Variants in OR52N2 observed in about 807,000 individuals in gnomAD.
The protein encoded by OR52N2 is olfactory receptor family 52 subfamily N member 2, also known as olfactory receptor 52N2.
For missense variants in OR52N2, 326 were observed against 196.6 expected (o/e 1.66, Z -3.94); for synonymous variants, 129 against 72.0 (o/e 1.79, Z -4.01).
intron 1 of OR52N2, among the ~76,000 whole-genome samples, chr11:5,810,195 A>G (rs1846346374): frequency 6.6e-6 from 1 of 152,208 alleles, no homozygotes; most frequent in Admixed American, 6.5e-5. Context: ...TCAGTGGCCA[A>G]GCTTTCCGAA....
intron 1 of OR52N2, among the ~76,000 whole-genome samples, chr11:5,818,178 T>C (rs73394360): frequency 0.059 from 8,907 of 152,238 alleles, 310 homozygotes; most frequent in African/African-American, 0.078. Context: ...TTTCCATAGT[T>C]TCCAAATTTT....
At chr11:5,817,587 C>T (rs1226945074) in intron 1 of OR52N2, among the ~76,000 whole-genome samples, 12 of 152,036 alleles carry the variant, frequency 7.9e-5, no homozygotes, top group Admixed American at 7.9e-4. Flanking sequence ...ACAAGTGAGA[C>T]AGTATTTGCA....
At chr11:5,812,065 G>C (rs73394323) in intron 1 of OR52N2, among the ~76,000 whole-genome samples, 5,709 of 152,102 alleles carry the variant, frequency 0.038, 325 homozygotes, top group African/African-American at 0.13. Flanking sequence ...ACACACCAAG[G>C]CCTGTTGGGG....
At position 5,821,025 on chromosome 11, in the gene OR52N2, G is replaced by A. The variant is rs200694985; in HGVS notation, c.690G>A (p.Leu230=). The A allele has an allele frequency of 2.6e-6, 2 of 781,020 alleles. No individual in the cohort carries two copies. The highest frequency in any genetic ancestry group is 1.7e-5 in the Admixed American group (1 of 59,034). The allele number at this position is 781,020 out of a possible 1,614,324, so 48.4% of individuals were successfully genotyped here. A position where few individuals can be genotyped will look rare whatever the true frequency, so the allele number is the denominator to read the frequency against. ...TGATTTTGCAGGCTGTTATGAGCCT[G>A]TCATCAGCAGATGCTCGTCACAAAG... ...YTMILQAVMS[L]SSADARHKAF... is the part of the protein sequence containing the mutation. Residue 230 remains leucine (L), a synonymous_variant, in exon 2 of 2, where the codon CTG becomes CTA. Transcript: ENST00000317037.
rs74633617 is a variant in OR52N2 at position 5,819,950 on chromosome 11, G to C, written c.-54-332G>C. On this transcript the variant is annotated intron_variant, in intron 1 of 1. Transcript: ENST00000317037. ...CAATTAGAATGGGAAGATTCTGAGA[G>C]CACAGAATAGAAATGGACTTATTGA... Among the ~76,000 whole-genome samples the C allele has an allele frequency of 3.5e-3, 531 of 152,286 alleles. 2 individuals are homozygous for C. Among genetic ancestry groups the C allele is most frequent in the African/African-American group, 0.012 (502 of 41,558 alleles).
In OR52N2 at chr11:5,821,010, G is replaced by A. The variant is rs753039145; in HGVS notation, c.675G>A (p.Gln225=). Reference sequence around the variant, plus strand: ...CTGTATCTTACACTATGATTTTGCAGGCTGTTATGAGCCTGTCATCAGCAG... The same window carrying A: ...CTGTATCTTACACTATGATTTTGCAAGCTGTTATGAGCCTGTCATCAGCAG... ...CISVSYTMIL[Q]AVMSLSSADA... The change falls in exon 2 of 2, where the codon CAG becomes CAA. Residue 225 remains glutamine, a synonymous_variant. Coordinates refer to ENST00000317037, the MANE Select transcript of OR52N2 (RefSeq NM_001005174.3). 3.8e-6 allele frequency: 3 copies of A among 781,000 alleles called. No individual in the cohort carries two copies. The allele number at this position is 781,000 out of a possible 1,614,324, so 48.4% of individuals were successfully genotyped here.
chr11:5,819,594 C>T (rs1846429995), intron 1 of OR52N2, among the ~76,000 whole-genome samples: 1 of 152,116 alleles, frequency 6.6e-6, no homozygotes, highest in African/African-American at 2.4e-5. Flanking sequence ...TGTTTCTTGT[C>T]AAGAACTTCC....
intron 1 of OR52N2, among the ~76,000 whole-genome samples, chr11:5,814,826 C>A (rs1846389084): frequency 6.6e-6 from 1 of 152,150 alleles, no homozygotes; most frequent in East Asian, 1.9e-4. Context: ...AAACTTATGA[C>A]AAAGTGACAG....
intron 1 of OR52N2, among the ~76,000 whole-genome samples, chr11:5,812,186 T>A (rs951153177): frequency 6.6e-6 from 1 of 151,898 alleles, no homozygotes; most frequent in African/African-American, 2.4e-5. Flanking sequence ...ACGTATCCTG[T>A]TTTTTACTTT....
At chr11:5,817,839 T>C (rs1386159975) in intron 1 of OR52N2, among the ~76,000 whole-genome samples, 3 of 152,212 alleles carry the variant, frequency 2.0e-5, no homozygotes, top group Non-Finnish European at 4.4e-5. Context: ...TGAGGAATTA[T>C]ATTTGATAGA....
In OR52N2 at chr11:5,809,116, T is replaced by G. The variant is rs77043874; in HGVS notation, c.-55+62T>G. On this transcript the variant is annotated intron_variant, in intron 1 of 1. Coordinates refer to ENST00000317037, the MANE Select transcript of OR52N2 (RefSeq NM_001005174.3). ...GGGATCCCAGATGAGCCCCCAGAGTTGTTGGGTGTAAAAATGCTCTAGGAA... is the reference window on the plus strand; with the variant it reads ...GGGATCCCAGATGAGCCCCCAGAGTGGTTGGGTGTAAAAATGCTCTAGGAA... Among the ~76,000 whole-genome samples the G allele has an allele frequency of 1.1e-4, 16 of 152,172 alleles. No individual in the cohort carries two copies. In the East Asian group the frequency reaches 2.1e-3, roughly 20 times the overall value.
chr11:5,821,116 TTTTTCACTC>T lies in OR52N2; in HGVS notation c.782_790del (p.Phe261_His264delinsTyr), dbSNP rs749353698. The stretch of plus-strand genomic sequence containing the variant: ...CACCTATGTTGCTGCTTTTTTCACT[TTTTTCACTC>T]ATCGTTTTGTAGGACACAATATCCC... On this transcript the variant is annotated inframe_deletion, in exon 2 of 2. Transcript: ENST00000317037. 3.6e-4 allele frequency: 280 copies of T among 781,018 alleles called. 3 individuals carry two copies. In the South Asian group the frequency reaches 3.6e-3, roughly 10 times the overall value. The allele number at this position is 781,018 out of a possible 1,614,324, so 48.4% of individuals were successfully genotyped here. A position where few individuals can be genotyped will look rare whatever the true frequency, so the allele number is the denominator to read the frequency against.
chr11:5,818,330 T>C (rs990060571), intron 1 of OR52N2, among the ~76,000 whole-genome samples: 1 of 152,210 alleles, frequency 6.6e-6, no homozygotes, highest in African/African-American at 2.4e-5. Flanking sequence ...CTGCTAAATA[T>C]ACATCTATTA....
intron 1 of OR52N2, among the ~76,000 whole-genome samples, chr11:5,810,106 G>A (rs1211821652): frequency 1.3e-5 from 2 of 152,202 alleles, no homozygotes; most frequent in African/African-American, 2.4e-5. Context: ...TGAGCTATAT[G>A]CTGAGCCTTG....
chr11:5,816,504 A>G (rs1846405661), intron 1 of OR52N2, among the ~76,000 whole-genome samples: 1 of 151,514 alleles, frequency 6.6e-6, no homozygotes, highest in Admixed American at 6.6e-5. Flanking sequence ...AACAGTGCGG[A>G]GGCCATGTAT....
chr11:5,811,803 A>C (rs1277534308), intron 1 of OR52N2, among the ~76,000 whole-genome samples: 1 of 152,192 alleles, frequency 6.6e-6, no homozygotes, highest in Non-Finnish European at 1.5e-5. Context: ...AGAAGACCCA[A>C]CTATTTGCTG....
chr11:5,816,501 C>T (rs759941234), intron 1 of OR52N2, among the ~76,000 whole-genome samples: 12 of 151,880 alleles, frequency 7.9e-5, no homozygotes, highest in Non-Finnish European at 1.3e-4. Flanking sequence ...GTAAACAGTG[C>T]GGAGGCCATG....
intron 1 of OR52N2, among the ~76,000 whole-genome samples, chr11:5,812,254 G>C (rs1457032619): frequency 6.6e-6 from 1 of 151,790 alleles, no homozygotes; most frequent in Non-Finnish European, 1.5e-5. Context: ...CAGCACTTTG[G>C]GAGGCCGAGG....
intron 1 of OR52N2, among the ~76,000 whole-genome samples, 124 bp downstream of exon 1, chr11:5,809,178 G>C (rs1169699775): frequency 2.6e-5 from 4 of 152,194 alleles, no homozygotes; most frequent in African/African-American, 9.7e-5. Flanking sequence ...CCAACACTTA[G>C]GCAAAAGTTC....
Sources: gnomAD v4.1 joint callset for allele counts (sites outside exome capture counted in the v4.1 genomes callset) on GRCh38, gnomAD v4.1.1 for gene constraint, MANE v1.5 for transcripts, NCBI Gene and HGNC (gene_info 2026-07-23, HGNC 2026-07-21) for gene names.